The following SOX5 variants were observed in gnomAD, a reference collection of about 807,000 sequenced individuals.
The protein encoded by SOX5 is transcription factor SOX-5.
In SOX5, 9 loss-of-function variants were observed where a neutral mutation model predicts 92.0. That is an observed-to-expected ratio of 0.10 (90% confidence interval 0.06 to 0.17). The LOEUF is 0.17. SOX5 is among the 10% of genes least tolerant of loss of function. The pLI, the probability that SOX5 is intolerant of heterozygous loss-of-function variation, is 1.00. For missense variants in SOX5, 642 were observed against 944.5 expected, an observed-to-expected ratio of 0.68 and a Z score of 4.20; for synonymous variants, 344 against 336.3, an observed-to-expected ratio of 1.02 and a Z score of -0.25.
At chr12:24,105,913 T>G (rs1171538128) in intron 4 of SOX5, among the ~76,000 whole-genome samples, 1 of 152,200 alleles carries the variant, frequency 6.6e-6, no homozygotes, top group Non-Finnish European at 1.5e-5. Flanking sequence ...TTTCACAAGT[T>G]AGGAAATTAT....
intron 2 of SOX5, among the ~76,000 whole-genome samples, chr12:24,354,270 CAAACAAAAAACA>C (rs1368407319): frequency 1.3e-5 from 2 of 152,112 alleles, no homozygotes; most frequent in Non-Finnish European, 2.9e-5. Context: ...AGAAAACAAA[CAAACAAAAAACA>C]AAACAAAAAA....
At chr12:24,093,197 A>G (rs751817076) in intron 4 of SOX5, among the ~76,000 whole-genome samples, 11 of 152,166 alleles carry the variant, frequency 7.2e-5, no homozygotes, top group Non-Finnish European at 1.5e-4. Flanking sequence ...CCTATCAGTC[A>G]AAATGTCACT....
At chr12:24,322,360 C>G (rs933352303) in intron 2 of SOX5, among the ~76,000 whole-genome samples, 1 of 151,268 alleles carries the variant, frequency 6.6e-6, no homozygotes, top group African/African-American at 2.4e-5. Flanking sequence ...AATCACCTCC[C>G]CCTAGATGGA....
At chr12:24,400,349 C>G (rs913653715) in intron 1 of SOX5, among the ~76,000 whole-genome samples, 21 of 151,980 alleles carry the variant, frequency 1.4e-4, no homozygotes, top group Non-Finnish European at 2.6e-4. Context: ...AGTGGCCTTG[C>G]CACAAGAAGC....
At chr12:23,913,101 C>T (rs1448128960) in intron 1 of SOX5, among the ~76,000 whole-genome samples, 1 of 152,164 alleles carries the variant, frequency 6.6e-6, no homozygotes, top group Non-Finnish European at 1.5e-5. Context: ...ATGATAAAGC[C>T]TCACAGTTAG....
At chr12:24,053,179 C>CA (rs1491382799) in intron 4 of SOX5, among the ~76,000 whole-genome samples, 4 of 100,902 alleles carry the variant, frequency 4.0e-5, no homozygotes, top group Non-Finnish European at 1.0e-4. Flanking sequence ...CTACTGCACG[C>CA]CCCCCCCCTT....
chr12:23,689,967 C>A (rs2088450824), intron 6 of SOX5, among the ~76,000 whole-genome samples: 1 of 152,188 alleles, frequency 6.6e-6, no homozygotes, highest in Non-Finnish European at 1.5e-5. Context: ...GTTTATTTCA[C>A]AATGACTTTA....
chr12:23,978,974 A>G (rs1254489790), intron 4 of SOX5, among the ~76,000 whole-genome samples: 2 of 152,150 alleles, frequency 1.3e-5, no homozygotes. Flanking sequence ...CTGAACTTAA[A>G]TATTATACTT....
intron 2 of SOX5, among the ~76,000 whole-genome samples, chr12:24,318,548 T>G (rs905460000): frequency 3.3e-4 from 51 of 152,330 alleles, no homozygotes; most frequent in African/African-American, 1.2e-3. Flanking sequence ...TGTTTAAGCC[T>G]TTGTTATTCT....
chr12:24,238,644 A>G (rs945018189), intron 3 of SOX5, among the ~76,000 whole-genome samples: 1 of 152,200 alleles, frequency 6.6e-6, no homozygotes, highest in African/African-American at 2.4e-5. Context: ...GGAGTGAGCC[A>G]CAGTGCCCGG....
At chr12:24,333,851 TA>T (rs5797076) in intron 2 of SOX5, among the ~76,000 whole-genome samples, 97,978 of 138,304 alleles carry the variant, frequency 0.71, 35,037 homozygotes, top group East Asian at 0.89. Flanking sequence ...TTCACCAAGT[TA>T]AAAAAAAAAA....
intron 8 of SOX5, among the ~76,000 whole-genome samples, chr12:23,623,565 A>G (rs981261964): frequency 1.3e-5 from 2 of 152,140 alleles, no homozygotes; most frequent in African/African-American, 4.8e-5. Context: ...CAAGAAATAT[A>G]AAAGACCTAC....
At chr12:24,521,285 C>A (rs1189234888) in intron 1 of SOX5, among the ~76,000 whole-genome samples, 1 of 152,034 alleles carries the variant, frequency 6.6e-6, no homozygotes, top group Admixed American at 6.6e-5. Flanking sequence ...AAACTCCTGA[C>A]CTCAGGTGAT....
chr12:24,008,515 T>G (rs1431509677), intron 4 of SOX5, among the ~76,000 whole-genome samples: 3 of 152,102 alleles, frequency 2.0e-5, no homozygotes, highest in Non-Finnish European at 4.4e-5. Flanking sequence ...ACCTATATAT[T>G]TTTGAGGTCT....
chr12:24,153,052 G>A (rs1011388079), intron 4 of SOX5, among the ~76,000 whole-genome samples: 18 of 152,242 alleles, frequency 1.2e-4, no homozygotes, highest in Admixed American at 1.2e-3. Flanking sequence ...GCTGTTGTCA[G>A]CAGATGTCTG....
intron 3 of SOX5, among the ~76,000 whole-genome samples, chr12:23,788,189 G>C (rs35866757): frequency 0.11 from 17,030 of 151,786 alleles, 1,137 homozygotes; most frequent in Non-Finnish European, 0.15. Flanking sequence ...AATTTTAAAA[G>C]GCAGAAAAAG....
chr12:24,170,470 G>A (rs1475898713), intron 4 of SOX5, among the ~76,000 whole-genome samples: 1 of 152,164 alleles, frequency 6.6e-6, no homozygotes, highest in Non-Finnish European at 1.5e-5. Flanking sequence ...TTTACCCTCA[G>A]ACATACACAG....
At chr12:24,377,907 G>A (rs1114835) in intron 1 of SOX5, among the ~76,000 whole-genome samples, 38,915 of 152,124 alleles carry the variant, frequency 0.26, 5,814 homozygotes, top group East Asian at 0.38. Context: ...AAGGTCAAAA[G>A]GTCAAGAGCC....
chr12:24,418,845 G>T (rs1965456496), intron 1 of SOX5, among the ~76,000 whole-genome samples: 1 of 152,128 alleles, frequency 6.6e-6, no homozygotes, highest in Non-Finnish European at 1.5e-5. Context: ...GCTCCCAGAA[G>T]AAGACTACAA....
Sources: allele counts gnomAD v4.1 joint callset (sites outside exome capture counted in the v4.1 genomes callset), GRCh38; gene constraint gnomAD v4.1.1; transcripts MANE v1.5; gene names NCBI Gene and HGNC (gene_info 2026-07-23, HGNC 2026-07-21).